The following OXR1 variants were observed in gnomAD, a reference collection of about 807,000 sequenced individuals.
OXR1 encodes the protein oxidation resistance protein 1.
In OXR1, 41 loss-of-function variants were observed where a neutral mutation model predicts 104.6. The observed-to-expected ratio is 0.39, with a 90% CI of 0.31 to 0.51. The LOEUF (loss-of-function observed/expected upper bound fraction) is 0.51, where lower values mean the gene tolerates loss of function less well. Among genes scored for constraint, OXR1 ranks in the 20% least tolerant of loss-of-function variants. The pLI is 0.77. For missense variants in OXR1, 955 were observed against 1,031.9 expected, an observed-to-expected ratio of 0.93 and a Z score of 1.02; for synonymous variants, 348 against 348.4, an observed-to-expected ratio of 1.00 and a Z score of 0.01.
At chr8:106,381,561 A>AG (rs1817150216) in intron 2 of OXR1, among the ~76,000 whole-genome samples, 1 of 152,146 alleles carries the variant, frequency 6.6e-6, no homozygotes, top group Non-Finnish European at 1.5e-5. Flanking sequence ...GTCACCTCTT[A>AG]GAGTTCCTGA....
intron 3 of OXR1, among the ~76,000 whole-genome samples, chr8:106,536,534 G>A (rs556383927): frequency 1.3e-5 from 2 of 152,252 alleles, no homozygotes; most frequent in Non-Finnish European, 2.9e-5. Context: ...GTGTCTCCAT[G>A]AACATAGTCA....
At chr8:106,501,831 A>T (rs1159879129) in intron 2 of OXR1, among the ~76,000 whole-genome samples, 2 of 152,226 alleles carry the variant, frequency 1.3e-5, no homozygotes, top group African/African-American at 4.8e-5. Flanking sequence ...TGATCAAATC[A>T]TGTATTCTTA....
chr8:106,603,625 T>C (rs892762785), intron 3 of OXR1, among the ~76,000 whole-genome samples: 1 of 152,222 alleles, frequency 6.6e-6, no homozygotes, highest in African/African-American at 2.4e-5. Context: ...TTTTGTTGCT[T>C]TTCTATATTG....
chr8:106,603,409 CA>C (rs1163541547), intron 3 of OXR1, among the ~76,000 whole-genome samples: 1 of 152,088 alleles, frequency 6.6e-6, no homozygotes, highest in Non-Finnish European at 1.5e-5. Flanking sequence ...AAGTCAGTAA[CA>C]TTTTTCATCT....
At chr8:106,450,505 G>A (rs1001625009) in intron 2 of OXR1, among the ~76,000 whole-genome samples, 10 of 152,146 alleles carry the variant, frequency 6.6e-5, no homozygotes, top group Non-Finnish European at 1.0e-4. Flanking sequence ...ATCAAAATAC[G>A]AAGCAGGAAA....
At chr8:106,426,235 G>A (rs1006641013) in intron 2 of OXR1, among the ~76,000 whole-genome samples, 3 of 152,092 alleles carry the variant, frequency 2.0e-5, no homozygotes, top group Admixed American at 6.6e-5. Flanking sequence ...ACCTGGCACC[G>A]TAAGACTTAA....
chr8:106,609,487 CTTT>C (rs1352960674), intron 3 of OXR1, among the ~76,000 whole-genome samples: 1 of 152,116 alleles, frequency 6.6e-6, no homozygotes, highest in African/African-American at 2.4e-5. Context: ...AAACCTATTA[CTTT>C]TTTATCGGAA....
At chr8:106,337,499 C>T (rs1815012710) in intron 1 of OXR1, among the ~76,000 whole-genome samples, 1 of 152,170 alleles carries the variant, frequency 6.6e-6, no homozygotes, top group African/African-American at 2.4e-5. Flanking sequence ...ACGAGGATCA[C>T]ACAACTTACT....
intron 1 of OXR1, among the ~76,000 whole-genome samples, chr8:106,348,077 G>A (rs1178915726): frequency 1.3e-5 from 2 of 152,160 alleles, no homozygotes; most frequent in Non-Finnish European, 2.9e-5. Context: ...ATTCAAGAAG[G>A]GAAAGGACAT....
Position 106,713,966 on chromosome 8 carries a change from C to A in OXR1, c.1937C>A (p.Ala646Glu). 1.9e-6 allele frequency: 3 copies of A among 1,576,202 alleles called. No homozygotes were observed. In the Middle Eastern group the frequency reaches 5.0e-4, roughly 264 times the overall value. ...ACAATTGAGGATTCTAGTAATCAAG[C>A]AGCAGCCAGAGAATGGGAGGTAAGG... is the stretch of plus-strand genomic sequence containing the variant. Reference protein sequence around the residue: ...SETIEDSSNQAAAREWEVVSV... With the variant: ...SETIEDSSNQEAAREWEVVSV... Residue 646 changes from alanine (A) to glutamate (E), a missense_variant, in exon 11 of 17, where the codon GCA becomes GAA. Physicochemically the swap from Ala to Glu is moderately radical, Grantham distance 107. Coordinates refer to ENST00000517566, the MANE Select transcript of OXR1 (RefSeq NM_001198533.2).
intron 1 of OXR1, among the ~76,000 whole-genome samples, chr8:106,355,198 CT>C (rs1220079749): frequency 6.6e-6 from 1 of 152,018 alleles, no homozygotes; most frequent in Non-Finnish European, 1.5e-5. Flanking sequence ...TAGTCTTTCT[CT>C]TGTGAAAAAG....
intron 3 of OXR1, among the ~76,000 whole-genome samples, chr8:106,601,724 G>A (rs1819985844): frequency 6.6e-6 from 1 of 152,202 alleles, no homozygotes; most frequent in Admixed American, 6.5e-5. Flanking sequence ...TCCTGCCTAT[G>A]GGAATGTGAA....
At chr8:106,378,880 A>C (rs1334273083) in intron 2 of OXR1, among the ~76,000 whole-genome samples, 1 of 152,158 alleles carries the variant, frequency 6.6e-6, no homozygotes, top group East Asian at 1.9e-4. Flanking sequence ...TGTATATTTC[A>C]AATTCAAGAG....
At position 106,646,981 on chromosome 8, in the gene OXR1, A is replaced by G. The variant is rs921602601; in HGVS notation, c.221-32229A>G. 5.9e-5 allele frequency among the ~76,000 whole-genome samples: 9 copies of G among 152,340 alleles called. No homozygotes were observed. In the East Asian group the frequency reaches 1.7e-3, roughly 29 times the overall value. On this transcript the variant is annotated intron_variant, in intron 3 of 16. Transcript: ENST00000517566. Reference sequence around the variant, plus strand: ...CTCCAGAAGCTGCCACATTCCAGGTATGGAGTATTTGGGGGCTGTAATTAT... The same window carrying G: ...CTCCAGAAGCTGCCACATTCCAGGTGTGGAGTATTTGGGGGCTGTAATTAT...
chr8:106,590,489 T>G (rs1189824052), intron 3 of OXR1, among the ~76,000 whole-genome samples: 1 of 152,246 alleles, frequency 6.6e-6, no homozygotes, highest in Admixed American at 6.5e-5. Flanking sequence ...GGTTTCACCA[T>G]GTTGGCCAGG....
At chr8:106,416,065 A>C (rs1818666100) in intron 2 of OXR1, among the ~76,000 whole-genome samples, 1 of 152,148 alleles carries the variant, frequency 6.6e-6, no homozygotes, top group Admixed American at 6.6e-5. Flanking sequence ...ATGACAATGT[A>C]GTCTGTAAGT....
intron 3 of OXR1, among the ~76,000 whole-genome samples, chr8:106,656,715 A>T (rs1028323637): frequency 6.6e-6 from 1 of 151,978 alleles, no homozygotes; most frequent in Non-Finnish European, 1.5e-5. Flanking sequence ...TGTATTTTTC[A>T]CCAGGCATAA....
At chr8:106,503,244 C>A (rs960744291) in intron 2 of OXR1, among the ~76,000 whole-genome samples, 1 of 151,922 alleles carries the variant, frequency 6.6e-6, no homozygotes, top group African/African-American at 2.4e-5. Context: ...CAATAATGAC[C>A]GTAAGAAATG....
chr8:106,636,799 A>T (rs1823178721), intron 3 of OXR1, among the ~76,000 whole-genome samples: 1 of 152,216 alleles, frequency 6.6e-6, no homozygotes, highest in Non-Finnish European at 1.5e-5. Context: ...AGAGTCACTG[A>T]CACTCAGACA....
Sources: allele counts gnomAD v4.1 joint callset (sites outside exome capture counted in the v4.1 genomes callset), GRCh38; gene constraint gnomAD v4.1.1; transcripts MANE v1.5; gene names NCBI Gene and HGNC (gene_info 2026-07-23, HGNC 2026-07-21).